The following TMEM132D variants were observed in gnomAD, a reference collection of about 807,000 sequenced individuals.
TMEM132D encodes the protein transmembrane protein 132D.
A neutral mutation model predicts 62.3 loss-of-function variants in TMEM132D; 21 were observed. The observed-to-expected ratio is 0.34, with a 90% CI of 0.24 to 0.49. TMEM132D has a LOEUF of 0.49. TMEM132D is among the 20% of genes least tolerant of loss of function. The pLI, the probability that TMEM132D is intolerant of heterozygous loss-of-function variation, is 0.99. For synonymous variants in TMEM132D, 621 were observed against 575.6 expected (o/e 1.08, Z -1.13); for missense variants, 1,346 against 1,402.8 (o/e 0.96, Z 0.65).
intron 3 of TMEM132D, among the ~76,000 whole-genome samples, chr12:129,459,451 C>A (rs1873586991): frequency 6.6e-6 from 1 of 152,206 alleles, no homozygotes. Context: ...ACAGACAGAG[C>A]CTTTCTCTCC....
chr12:129,421,858 C>A (rs1253267673), intron 3 of TMEM132D, among the ~76,000 whole-genome samples: 3 of 152,122 alleles, frequency 2.0e-5, no homozygotes, highest in East Asian at 1.9e-4. Flanking sequence ...TTCCTCATCT[C>A]AAATTTATTT....
intron 4 of TMEM132D, among the ~76,000 whole-genome samples, chr12:129,286,369 T>C (rs988576996): frequency 1.3e-5 from 2 of 152,222 alleles, no homozygotes; most frequent in Middle Eastern, 3.2e-3. Context: ...AGCTGAGATA[T>C]TTTTTAAGGA....
intron 2 of TMEM132D, among the ~76,000 whole-genome samples, chr12:129,669,997 C>T (rs1350854309): frequency 1.3e-5 from 2 of 152,144 alleles, no homozygotes; most frequent in Admixed American, 1.3e-4. Context: ...TGTCCCCTGT[C>T]GACTGGAAGA....
At chr12:129,485,331 AC>A (rs1265157970) in intron 3 of TMEM132D, among the ~76,000 whole-genome samples, 1 of 152,148 alleles carries the variant, frequency 6.6e-6, no homozygotes, top group African/African-American at 2.4e-5. Context: ...ACCTCCCCAC[AC>A]TTTCAGCCTG....
intron 3 of TMEM132D, among the ~76,000 whole-genome samples, chr12:129,518,518 T>C (rs1344951315): frequency 1.3e-5 from 2 of 151,364 alleles, no homozygotes; most frequent in African/African-American, 4.9e-5. Flanking sequence ...TGTATATATA[T>C]GTGTGTATAT....
chr12:129,853,902 C>G (rs1021592550), intron 1 of TMEM132D: 1 of 152,288 alleles, frequency 6.6e-6, no homozygotes, highest in Non-Finnish European at 1.5e-5. Flanking sequence ...GGCAACAGGA[C>G]TGAACCTACT....
At chr12:129,225,483 T>A (rs1879456555) in intron 4 of TMEM132D, among the ~76,000 whole-genome samples, 2 of 152,194 alleles carry the variant, frequency 1.3e-5, no homozygotes, top group Non-Finnish European at 1.5e-5. Flanking sequence ...TCGGGTGGCC[T>A]GTGTTCAAAT....
intron 4 of TMEM132D, among the ~76,000 whole-genome samples, chr12:129,274,464 T>C (rs2135603378): frequency 6.6e-6 from 1 of 152,348 alleles, no homozygotes; most frequent in East Asian, 1.9e-4. Context: ...GGTGCCCATA[T>C]GGTCTCACAA....
chr12:129,768,627 C>T (rs908015900), intron 1 of TMEM132D, among the ~76,000 whole-genome samples: 6 of 152,078 alleles, frequency 3.9e-5, no homozygotes, highest in Admixed American at 6.6e-5. Context: ...CAGTTCAAGA[C>T]CTCCCAATGA....
Position 129,699,797 on chromosome 12 carries a change from G to A in TMEM132D, c.968+13C>T, listed in dbSNP as rs2137225067. 6.2e-7 allele frequency: 1 copy of A among 1,612,180 alleles called. No individual in the cohort carries two copies. Among genetic ancestry groups the A allele is most frequent in the Non-Finnish European group, 8.5e-7 (1 of 1,178,660 alleles). On this transcript the variant is annotated intron_variant, in intron 2 of 8. Coordinates refer to ENST00000422113, the MANE Select transcript of TMEM132D (RefSeq NM_133448.3). ...GACGGGCGGGTACAGACAGACATTG[G>A]GAAACGACTTACCTCAACGTGAAGC...
intron 4 of TMEM132D, among the ~76,000 whole-genome samples, chr12:129,237,748 G>A (rs777788794): frequency 2.0e-5 from 3 of 152,168 alleles, no homozygotes; most frequent in Non-Finnish European, 4.4e-5. Context: ...GGAGGCTGAG[G>A]CGAGAGGATC....
chr12:129,487,028 G>T (rs373614740), intron 3 of TMEM132D, among the ~76,000 whole-genome samples: 5 of 109,962 alleles, frequency 4.5e-5, no homozygotes, highest in African/African-American at 1.1e-4. Flanking sequence ...GAATGTTTGC[G>T]TATGGGGGGG....
chr12:129,126,062 G>T (rs977771690), intron 5 of TMEM132D, among the ~76,000 whole-genome samples: 1 of 152,144 alleles, frequency 6.6e-6, no homozygotes, highest in Non-Finnish European at 1.5e-5. Flanking sequence ...GGGCACTTGG[G>T]GATTGCATGT....
At chr12:129,092,633 T>G (rs1565961637) in intron 5 of TMEM132D, among the ~76,000 whole-genome samples, 1 of 152,266 alleles carries the variant, frequency 6.6e-6, no homozygotes, top group East Asian at 1.9e-4. Context: ...AGGCGGAGGT[T>G]GCAGTGAGCT....
Position 129,090,672 on chromosome 12 carries a change from AAAAAG to A in TMEM132D, c.1444-5975_1444-5971del, listed in dbSNP as rs539420961. Among the ~76,000 whole-genome samples the A allele has an allele frequency of 4.5e-4, 69 of 152,044 alleles. No homozygotes were observed. The East Asian group carries it at 7.7e-3, about 17-fold the overall frequency. On this transcript the variant is annotated intron_variant, in intron 5 of 8. Coordinates refer to ENST00000422113, the MANE Select transcript of TMEM132D (RefSeq NM_133448.3). ...GACAGAGTGAGACCCTGTCTGAAAA[AAAAAG>A]AAAAGAAAAGAAAAGAAAACGGGTT...
At chr12:129,424,951 C>T (rs557697833) in intron 3 of TMEM132D, among the ~76,000 whole-genome samples, 170 of 152,240 alleles carry the variant, frequency 1.1e-3, no homozygotes, top group African/African-American at 4.0e-3. Flanking sequence ...ATCCCGCTCC[C>T]CACCTGCAGC....
chr12:129,778,606 T>C (rs1871024554), intron 1 of TMEM132D, among the ~76,000 whole-genome samples: 1 of 152,212 alleles, frequency 6.6e-6, no homozygotes, highest in Non-Finnish European at 1.5e-5. Context: ...GCTCTTGCAC[T>C]GGGATAATTT....
chr12:129,833,151 C>T (rs550021279), intron 1 of TMEM132D, among the ~76,000 whole-genome samples: 4 of 152,270 alleles, frequency 2.6e-5, no homozygotes, highest in South Asian at 2.1e-4. Flanking sequence ...TCATAGACCC[C>T]GTAGATATTT....
intron 3 of TMEM132D, among the ~76,000 whole-genome samples, chr12:129,436,666 T>C (rs74845796): frequency 0.02 from 3,100 of 152,294 alleles, 117 homozygotes; most frequent in African/African-American, 0.071. Flanking sequence ...TGTATCCACA[T>C]GAACAGATCT....
Sources: gnomAD v4.1 joint callset for allele counts (sites outside exome capture counted in the v4.1 genomes callset) on GRCh38, gnomAD v4.1.1 for gene constraint, MANE v1.5 for transcripts, NCBI Gene and HGNC (gene_info 2026-07-23, HGNC 2026-07-21) for gene names.